The following NT5C2 variants were observed in gnomAD, a reference collection of about 807,000 sequenced individuals.
NT5C2 encodes 5'-nucleotidase, cytosolic II.
In NT5C2, 58 loss-of-function variants were observed where a neutral mutation model predicts 76.1. The ratio of observed to expected loss-of-function variants is 0.76; its 90% CI spans 0.62 to 0.95. The LOEUF is 0.95. Ranked by LOEUF, NT5C2 falls within the 40% of genes least tolerant of loss-of-function variation. NT5C2 has a pLI of 0.00. For missense variants in NT5C2, 478 were observed against 690.3 expected (o/e 0.69, Z 3.45); for synonymous variants, 229 against 237.4 (o/e 0.96, Z 0.32).
chr10:103,183,289 A>ATTTTT, intron 1 of NT5C2, among the ~76,000 whole-genome samples: 1 of 115,276 alleles, frequency 8.7e-6, no homozygotes, highest in Admixed American at 1.0e-4. Context: ...ATATATATAT[A>ATTTTT]TATATCACAC....
chr10:103,174,805 T>C, intron 3 of NT5C2, 53 bp downstream of exon 3: 1 of 1,121,754 alleles, frequency 8.9e-7, no homozygotes, highest in South Asian at 1.2e-5. Flanking sequence ...ATCTGTAAAA[T>C]GAAGTCCCAC....
chr10:103,091,906 G>A (rs1410915145), intron 15 of NT5C2, among the ~76,000 whole-genome samples: 1 of 152,144 alleles, frequency 6.6e-6, no homozygotes, highest in Non-Finnish European at 1.5e-5. Flanking sequence ...AGCTTGTAAA[G>A]TACCAGAATT....
intron 3 of NT5C2, among the ~76,000 whole-genome samples, chr10:103,161,253 C>T (rs1385377265): frequency 6.6e-6 from 1 of 152,134 alleles, no homozygotes; most frequent in Non-Finnish European, 1.5e-5. Flanking sequence ...TCATAGCTCA[C>T]TGCCACTTTG....
chr10:103,100,549 C>T (rs942843530), intron 8 of NT5C2: 20 of 403,766 alleles, frequency 5.0e-5, no homozygotes, highest in Non-Finnish European at 9.3e-5. Flanking sequence ...ATAATTCTCC[C>T]TAAAGGGAGA....
At chr10:103,180,903 G>A (rs183349432) in intron 2 of NT5C2, among the ~76,000 whole-genome samples, 20 of 152,150 alleles carry the variant, frequency 1.3e-4, no homozygotes, top group African/African-American at 3.4e-4. Flanking sequence ...TAAAAAATTC[G>A]TAATAACTAC....
intron 3 of NT5C2, among the ~76,000 whole-genome samples, chr10:103,170,274 C>A (rs998635897): frequency 2.6e-5 from 4 of 152,174 alleles, no homozygotes; most frequent in African/African-American, 9.7e-5. Context: ...CACACTACTG[C>A]ACTGCAGCCT....
At chr10:103,093,067 T>C in intron 15 of NT5C2, 72 bp downstream of exon 15, 1 of 1,326,866 alleles carries the variant, frequency 7.5e-7, no homozygotes, top group Non-Finnish European at 1.0e-6. Flanking sequence ...AAAGTAATGG[T>C]TTATCAAAGA....
intron 6 of NT5C2, among the ~76,000 whole-genome samples, chr10:103,101,856 C>G (rs752880016): frequency 6.6e-6 from 1 of 152,036 alleles, no homozygotes; most frequent in Non-Finnish European, 1.5e-5. Context: ...CATGCACGTG[C>G]TGGTATATGA....
At chr10:103,180,437 G>A (rs1564643832) in intron 2 of NT5C2, among the ~76,000 whole-genome samples, 1 of 152,128 alleles carries the variant, frequency 6.6e-6, no homozygotes, top group Non-Finnish European at 1.5e-5. Flanking sequence ...TCCATATAAA[G>A]ACTTGAACAC....
Position 103,097,354 on chromosome 10 carries a change from C to G in NT5C2, c.708G>C (p.Leu236=). The G allele has an allele frequency of 6.2e-7, 1 of 1,613,716 alleles. No individual in the cohort carries two copies. The highest frequency in any genetic ancestry group is 8.5e-7 in the Non-Finnish European group (1 of 1,179,790). Reference sequence around the variant, plus strand: ...CTTTCCCTACTTCCTTCATCCGGCTCAGAAGCAAAGGCAGTTTTCCCTGAA... The same window carrying G: ...CTTTCCCTACTTCCTTCATCCGGCTGAGAAGCAAAGGCAGTTTTCCCTGAA... ...VVKDGKLPLL[L]SRMKEVGKVF... The change falls in exon 11 of 19, where the codon CTG becomes CTC. Residue 236 remains leucine (L), a synonymous_variant. Transcript: ENST00000404739.
chr10:103,126,316 A>G (rs1643655320), intron 4 of NT5C2, among the ~76,000 whole-genome samples: 1 of 152,220 alleles, frequency 6.6e-6, no homozygotes, highest in Non-Finnish European at 1.5e-5. Context: ...TAGGCTTGGC[A>G]GGTATTTTTT....
chr10:103,164,488 C>G (rs562260550), intron 3 of NT5C2, among the ~76,000 whole-genome samples: 3 of 152,084 alleles, frequency 2.0e-5, no homozygotes, highest in African/African-American at 7.2e-5. Context: ...GATCTCTTGA[C>G]CTTGTGATCC....
intron 4 of NT5C2, among the ~76,000 whole-genome samples, chr10:103,128,460 G>A (rs1436897122): frequency 5.2e-5 from 6 of 114,814 alleles, no homozygotes; most frequent in Admixed American, 3.4e-4. Flanking sequence ...CCAAAGTGCC[G>A]AGATTGCAGC....
chr10:103,139,251 T>C (rs1285359595), intron 4 of NT5C2, among the ~76,000 whole-genome samples, 155 bp downstream of exon 4: 1 of 152,234 alleles, frequency 6.6e-6, no homozygotes, highest in Non-Finnish European at 1.5e-5. Flanking sequence ...ATAATTTCAA[T>C]ATTCACAAAT....
Position 103,135,910 on chromosome 10 carries a change from C to A in NT5C2, c.175+3496G>T, listed in dbSNP as rs549874003. Among the ~76,000 whole-genome samples the A allele has an allele frequency of 6.6e-5, 10 of 151,824 alleles. No homozygotes were observed. The East Asian group carries it at 1.9e-3, about 29-fold the overall frequency. On this transcript the variant is annotated intron_variant, in intron 4 of 18. Coordinates refer to ENST00000404739, the MANE Select transcript of NT5C2 (RefSeq NM_001351169.2). The stretch of plus-strand genomic sequence containing the variant: ...GACTGGCCTGGGTAACCTGGTGAAA[C>A]CCCATCTCTATTAAAAATACAAAAA...
rs192537679 is a variant in NT5C2, at chr10:103,182,454, T to C, written c.-168-1126A>G. Among the ~76,000 whole-genome samples the C allele has an allele frequency of 4.5e-3, 683 of 151,986 alleles. 26 individuals carry two copies. Among genetic ancestry groups the C allele is most frequent in the Admixed American group, 0.043 (653 of 15,256 alleles). On this transcript the variant is annotated intron_variant, in intron 1 of 18. Coordinates refer to ENST00000404739, the MANE Select transcript of NT5C2 (RefSeq NM_001351169.2). ...GAGTTCAAGACCAGCCTGGCCAACATGGTGAAACCCTGTCTACTAAAAATA... is the reference window on the plus strand; with the variant it reads ...GAGTTCAAGACCAGCCTGGCCAACACGGTGAAACCCTGTCTACTAAAAATA...
chr10:103,115,616 G>C (rs1339112411), intron 4 of NT5C2, among the ~76,000 whole-genome samples: 1 of 152,028 alleles, frequency 6.6e-6, no homozygotes, highest in Non-Finnish European at 1.5e-5. Flanking sequence ...AGATGAAATG[G>C]GTTTTATTAA....
At chr10:103,135,538 G>A (rs1033479691) in intron 4 of NT5C2, among the ~76,000 whole-genome samples, 3 of 152,044 alleles carry the variant, frequency 2.0e-5, no homozygotes, top group East Asian at 1.9e-4. Flanking sequence ...ACTTTGGGAG[G>A]CCGAGGCAGG....
chr10:103,185,935 C>T (rs1564661827), intron 1 of NT5C2, among the ~76,000 whole-genome samples: 1 of 152,120 alleles, frequency 6.6e-6, no homozygotes, highest in Non-Finnish European at 1.5e-5. Flanking sequence ...ATAATGCTAA[C>T]ATAATAACAG....
Sources: allele counts gnomAD v4.1 joint callset (sites outside exome capture counted in the v4.1 genomes callset), GRCh38; gene constraint gnomAD v4.1.1; transcripts MANE v1.5; gene names NCBI Gene and HGNC (gene_info 2026-07-23, HGNC 2026-07-21).